CAGE1: variants seen among roughly 807,000 people sequenced by gnomAD.
The protein encoded by CAGE1 is cancer antigen 1, also known as cancer-associated gene 1 protein.
In CAGE1, 66 loss-of-function variants were observed where a neutral mutation model predicts 94.9. The observed-to-expected ratio is 0.70, with a 90% CI of 0.57 to 0.85. CAGE1 has a LOEUF of 0.85. Among genes scored for constraint, CAGE1 ranks in the 40% least tolerant of loss-of-function variants. CAGE1 has a pLI of 0.00. For missense variants in CAGE1, 865 were observed against 950.4 expected (o/e 0.91, Z 1.18); for synonymous variants, 319 against 321.0 (o/e 0.99, Z 0.07).
At position 7,347,010 on chromosome 6, in the gene CAGE1, T is replaced by A. The variant is rs185704207; in HGVS notation, c.2369+8031A>T. Among the ~76,000 whole-genome samples the A allele has an allele frequency of 3.6e-3, 545 of 152,050 alleles. 1 individual carries two copies. The highest frequency in any genetic ancestry group is 0.012 in the African/African-American group (481 of 41,474). On this transcript the variant is annotated intron_variant, in intron 11 of 13. Transcript: ENST00000502583. ...AACTGAAATATACATTAGGAAAAAA[T>A]TTTTTTTCACCCAAGCCCTGCAGAA...
intron 9 of CAGE1, among the ~76,000 whole-genome samples, chr6:7,357,445 A>G (rs1759996541): frequency 6.6e-6 from 1 of 152,088 alleles, no homozygotes; most frequent in South Asian, 2.1e-4. Flanking sequence ...TTCCTTCTCA[A>G]TTTCTCTTTT....
intron 3 of CAGE1, among the ~76,000 whole-genome samples, chr6:7,381,241 G>C (rs1302033627): frequency 6.6e-6 from 1 of 152,144 alleles, no homozygotes; most frequent in Non-Finnish European, 1.5e-5. Flanking sequence ...AGGTCACAAG[G>C]GTAGGCCCTA....
intron 13 of CAGE1, 108 bp downstream of exon 13, chr6:7,329,741 G>T (rs113439704): frequency 3.3e-6 from 2 of 614,770 alleles, no homozygotes; most frequent in East Asian, 2.8e-5. Flanking sequence ...GGAAGGCTAG[G>T]TTGCACAGTA....
chr6:7,359,076 C>T (rs1266236779), intron 9 of CAGE1, among the ~76,000 whole-genome samples: 2 of 151,066 alleles, frequency 1.3e-5, no homozygotes, highest in Non-Finnish European at 3.0e-5. Flanking sequence ...AACGGAGTTT[C>T]GCTCTTGTTG....
At chr6:7,359,051 C>CT (rs112546856) in intron 9 of CAGE1, among the ~76,000 whole-genome samples, 3,323 of 147,222 alleles carry the variant, frequency 0.023, 112 homozygotes, top group African/African-American at 0.067. Context: ...TAATTTGCAT[C>CT]TTTTTTTTTT....
intron 1 of CAGE1, among the ~76,000 whole-genome samples, chr6:7,388,516 C>A (rs919039230): frequency 6.6e-6 from 1 of 152,162 alleles, no homozygotes; most frequent in East Asian, 1.9e-4. Context: ...TTGAGAGGAG[C>A]ATACTTAGGG....
chr6:7,339,322 T>C lies in CAGE1; in HGVS notation c.2370-5232A>G. On this transcript the variant is annotated intron_variant, in intron 11 of 13. Coordinates refer to ENST00000502583, the MANE Select transcript of CAGE1 (RefSeq NM_001170692.2). This position sits in a 1 kb window ranked among gnomAD's most constrained non-coding sequence, Gnocchi z 4.7. ...ACCTCTTCAGCATAAAGCTCTACAC[T>C]GCCCTCTGGAGAGCCAAACCTCTTC... The C allele has an allele frequency of 1.9e-6, 3 of 1,591,466 alleles. No homozygotes were observed. Among genetic ancestry groups the C allele is most frequent in the South Asian group, 2.2e-5 (2 of 90,608 alleles).
chr6:7,358,027 G>GATAGATATATATAT (rs1554138205), intron 9 of CAGE1, among the ~76,000 whole-genome samples: 7 of 48,072 alleles, frequency 1.5e-4, no homozygotes, highest in Non-Finnish European at 2.2e-4. Flanking sequence ...TAAGTTTTGA[G>GATAGATATATATAT]ATATATATAT....
chr6:7,369,843 T>G, intron 6 of CAGE1, 76 bp downstream of exon 6: 1 of 1,366,402 alleles, frequency 7.3e-7, no homozygotes, highest in African/African-American at 1.5e-5. Context: ...TTAATTCCTT[T>G]TATTGCCTCT....
intron 4 of CAGE1, among the ~76,000 whole-genome samples, chr6:7,377,737 A>AAAAAC (rs1581696643): frequency 6.6e-6 from 1 of 152,224 alleles, no homozygotes; most frequent in African/African-American, 2.4e-5. Context: ...ACTCCGTATC[A>AAAAAC]AAAACAAAAC....
rs144502695 is a variant in CAGE1 at position 7,334,259 on chromosome 6, A to C, written c.2370-169T>G. Among the ~76,000 whole-genome samples the C allele has an allele frequency of 3.2e-3, 485 of 152,300 alleles. 6 individuals carry two copies. The highest frequency in any genetic ancestry group is 0.011 in the African/African-American group (457 of 41,558). On this transcript the variant is annotated intron_variant, in intron 11 of 13. Coordinates refer to ENST00000502583, the MANE Select transcript of CAGE1 (RefSeq NM_001170692.2). ...CTTGGGATTCTTTCCTAGCAACTCA[A>C]AATTATTCTATCAGTTTTTCCCTTT... is the stretch of plus-strand genomic sequence containing the variant.
intron 13 of CAGE1, among the ~76,000 whole-genome samples, chr6:7,327,932 A>AAAAT (rs56109246): frequency 0.012 from 1,850 of 149,648 alleles, 29 homozygotes; most frequent in African/African-American, 0.037. Flanking sequence ...CTCCGTCTAA[A>AAAAT]AAATAAATAA....
At chr6:7,337,186 G>C (rs575944696) in intron 11 of CAGE1, among the ~76,000 whole-genome samples, 1 of 152,188 alleles carries the variant, frequency 6.6e-6, no homozygotes, top group African/African-American at 2.4e-5. Flanking sequence ...AATTAGCCCA[G>C]TGTGGTGGCG....
intron 4 of CAGE1, among the ~76,000 whole-genome samples, chr6:7,377,936 T>C (rs1760810934): frequency 6.6e-6 from 1 of 152,212 alleles, no homozygotes; most frequent in Non-Finnish European, 1.5e-5. Flanking sequence ...GATAAACTAA[T>C]ATTTTCACTT....
intron 3 of CAGE1, among the ~76,000 whole-genome samples, chr6:7,385,396 T>C (rs1244927237): frequency 6.6e-6 from 1 of 151,186 alleles, no homozygotes; most frequent in Non-Finnish European, 1.5e-5. Flanking sequence ...TTGGACTTCC[T>C]GGCTCAAGCA....
At chr6:7,332,558 G>C (rs977398316) in intron 12 of CAGE1, among the ~76,000 whole-genome samples, 7 of 152,162 alleles carry the variant, frequency 4.6e-5, no homozygotes, top group African/African-American at 1.7e-4. Context: ...AGCAGCCACA[G>C]CTTGCCTTAG....
chr6:7,374,045 AC>A lies in CAGE1; in HGVS notation c.773del (p.Gly258ValfsTer48), dbSNP rs777794668. 2.5e-6 allele frequency: 4 copies of A among 1,613,882 alleles called. No homozygotes were observed. Among genetic ancestry groups the A allele is most frequent in the Non-Finnish European group, 3.4e-6 (4 of 1,179,866 alleles). ...TTGAGACAATTTCTGGCCTCTCCAC[AC>A]CCTCTGCTGTGACTTCCTTTTCATA... ...VSYEKEVTAEGVERPEIVSTW... is the reference protein window; with the variant it reads ...VSYEKEVTAEXVERPEIVSTW... On this transcript the variant is annotated frameshift_variant, in exon 5 of 14. Transcript: ENST00000502583. LOFTEE classifies it high-confidence loss of function.
chr6:7,372,279 C>T (rs191477264), intron 5 of CAGE1, among the ~76,000 whole-genome samples: 52 of 152,130 alleles, frequency 3.4e-4, no homozygotes, highest in African/African-American at 1.1e-3. Flanking sequence ...CGAGACCAGC[C>T]TGGCCAACAC....
intron 4 of CAGE1, 52 bp downstream of exon 4, chr6:7,378,565 T>C: frequency 3.4e-6 from 5 of 1,465,840 alleles, no homozygotes; most frequent in South Asian, 2.8e-5. Context: ...TGAACTAGGT[T>C]AGAACTATTC....
Sources: gnomAD v4.1 joint callset for allele counts (sites outside exome capture counted in the v4.1 genomes callset) on GRCh38, gnomAD v4.1.1 for gene constraint, Gnocchi (gnomAD v3.1) non-coding constraint, MANE v1.5 for transcripts, NCBI Gene and HGNC (gene_info 2026-07-23, HGNC 2026-07-21) for gene names.